LONP1: variants seen among roughly 807,000 people sequenced by gnomAD.
LONP1 encodes lon peptidase 1, mitochondrial.
LONP1 carries 31 observed loss-of-function variants against 98.5 expected under a neutral mutation model. The ratio of observed to expected loss-of-function variants is 0.31; its 90% CI spans 0.24 to 0.42. LONP1 has a LOEUF of 0.42. LONP1 is among the 20% of genes least tolerant of loss of function. The pLI is 1.00. For missense variants in LONP1, 1,336 were observed against 1,350.6 expected (o/e 0.99, Z 0.17); for synonymous variants, 781 against 594.7 (o/e 1.31, Z -4.56).
chr19:5,705,332 C>CCTAT (rs2055126857), intron 8 of LONP1, among the ~76,000 whole-genome samples: 1 of 152,096 alleles, frequency 6.6e-6, no homozygotes, highest in Non-Finnish European at 1.5e-5. Context: ...GTGGTGCATG[C>CCTAT]CTATAGTCCC....
At chr19:5,704,635 G>A (rs1293863242) in intron 8 of LONP1, among the ~76,000 whole-genome samples, 2 of 152,242 alleles carry the variant, frequency 1.3e-5, no homozygotes, top group East Asian at 3.8e-4. Flanking sequence ...AAGTGGCCAG[G>A]TGGGTTCTGT....
At chr19:5,700,272 CCTAA>C (rs1292651976) in intron 9 of LONP1, among the ~76,000 whole-genome samples, 9 of 152,276 alleles carry the variant, frequency 5.9e-5, no homozygotes, top group East Asian at 3.9e-4. Context: ...CGCCACCACG[CCTAA>C]CTAATTTTGT....
intron 8 of LONP1, among the ~76,000 whole-genome samples, chr19:5,701,927 C>T (rs2055053056): frequency 6.6e-6 from 1 of 151,530 alleles, no homozygotes; most frequent in Non-Finnish European, 1.5e-5. Context: ...ATGAGGAGCG[C>T]CTCTGCCCGG....
Position 5,694,556 on chromosome 19 carries a change from G to A in LONP1, c.2155-4C>T. Reference sequence around the variant, plus strand: ...TGTAGGCCGATTTCCGTAACACCTGGGCGGTCAGGGCAACACAATGGGCAC... The same window carrying A: ...TGTAGGCCGATTTCCGTAACACCTGAGCGGTCAGGGCAACACAATGGGCAC... On this transcript the variant is annotated splice_region_variant and splice_polypyrimidine_tract_variant and intron_variant, in intron 14 of 17. Transcript: ENST00000360614. 6.2e-7 allele frequency: 1 copy of A among 1,612,502 alleles called. No individual in the cohort carries two copies. The highest frequency in any genetic ancestry group is 8.5e-7 in the Non-Finnish European group (1 of 1,179,760).
intron 1 of LONP1, chr19:5,715,116 C>G (rs542189164): frequency 2.7e-5 from 4 of 147,938 alleles, no homozygotes; most frequent in Admixed American, 2.0e-4. Context: ...GTGAGCAGAA[C>G]TGACCAGCTG....
At chr19:5,708,230 G>T in intron 5 of LONP1, 112 bp downstream of exon 5, 1 of 1,114,974 alleles carries the variant, frequency 9.0e-7, no homozygotes, top group Non-Finnish European at 1.3e-6. Flanking sequence ...CACTCCTTGG[G>T]GCAGGCAAGG....
At chr19:5,705,629 G>C (rs1271864163) in intron 8 of LONP1, 143 bp downstream of exon 8, 3 of 649,966 alleles carry the variant, frequency 4.6e-6, no homozygotes, top group Non-Finnish European at 8.1e-6. Context: ...GAACAGGGCT[G>C]ATACTCGCTG....
Position 5,702,554 on chromosome 19 carries a change from A to G in LONP1, c.1368-1627T>C, listed in dbSNP as rs567178382. Among the ~76,000 whole-genome samples the G allele has an allele frequency of 3.3e-5, 5 of 151,028 alleles. No individual in the cohort carries two copies. In the South Asian group the frequency reaches 6.3e-4, roughly 19 times the overall value. ...CCCAACAGCTCATTGAGAACGGGCCATGATGACAATGGCAGTTTTGTGGAA... is the reference window on the plus strand; with the variant it reads ...CCCAACAGCTCATTGAGAACGGGCCGTGATGACAATGGCAGTTTTGTGGAA... On this transcript the variant is annotated intron_variant, in intron 8 of 17. Transcript: ENST00000360614.
intron 4 of LONP1, 179 bp from the exon 5 acceptor site, chr19:5,708,582 C>A: frequency 3.3e-6 from 2 of 603,310 alleles, no homozygotes; most frequent in Non-Finnish European, 6.0e-6. Context: ...GGTGGACTCA[C>A]CAGTCCCAGG....
At chr19:5,695,970 CTCCCAGAGGCA>C in intron 13 of LONP1, 73 bp downstream of exon 13, 1 of 1,245,884 alleles carries the variant, frequency 8.0e-7, no homozygotes, top group Non-Finnish European at 1.1e-6. Context: ...GGCCCAGGAG[CTCCCAGAGGCA>C]CGGCCTCTGC....
At chr19:5,703,479 C>T (rs1181012451) in intron 8 of LONP1, among the ~76,000 whole-genome samples, 5 of 152,196 alleles carry the variant, frequency 3.3e-5, no homozygotes, top group East Asian at 1.9e-4. Flanking sequence ...CAGTGAGCAG[C>T]GGCCACTATG....
At chr19:5,701,489 C>G (rs1755213048) in intron 8 of LONP1, among the ~76,000 whole-genome samples, 1 of 152,168 alleles carries the variant, frequency 6.6e-6, no homozygotes, top group Non-Finnish European at 1.5e-5. Context: ...CGCCGCCACG[C>G]CTGACTGGTT....
chr19:5,712,789 C>T (rs2055258070), intron 3 of LONP1, among the ~76,000 whole-genome samples: 1 of 151,972 alleles, frequency 6.6e-6, no homozygotes, highest in Non-Finnish European at 1.5e-5. Flanking sequence ...GCCACCACAT[C>T]CAGCTAATTT....
rs200036075 is a variant in LONP1, at chr19:5,693,606, G to A, written c.2484C>T (p.His828=). The stretch of plus-strand genomic sequence containing the variant: ...TCACCAGGTAGTCATTGGCGGGGGC[G>A]TGCTGCATGAGGAAGGCTCTGGCGA... The part of the protein sequence containing the change: ...YTFARAFLMQ[H]APANDYLVTS... Residue 828 remains histidine (H), a synonymous_variant, in exon 16 of 18, where the codon CAC becomes CAT. Transcript: ENST00000360614. 811 of 1,614,074 alleles carry A rather than the reference G, an allele frequency of 5.0e-4. No individual in the cohort carries two copies. The highest frequency in any genetic ancestry group is 5.3e-4 in the Non-Finnish European group (631 of 1,179,982).
At chr19:5,708,459 G>T in intron 4 of LONP1, 56 bp from the exon 5 acceptor site, 5 of 1,257,012 alleles carry the variant, frequency 4.0e-6, no homozygotes, top group Non-Finnish European at 4.5e-6. Context: ...CAGGGGGTGG[G>T]CTGGGTGGGA....
At chr19:5,712,601 A>G (rs979791798) in intron 3 of LONP1, 1 of 186,116 alleles carries the variant, frequency 5.4e-6, no homozygotes, top group African/African-American at 2.3e-5. Context: ...GGCTCAAGCA[A>G]TCCTCCTGCC....
chr19:5,718,823 C>A (rs2055369476), intron 1 of LONP1, among the ~76,000 whole-genome samples: 1 of 152,050 alleles, frequency 6.6e-6, no homozygotes, highest in African/African-American at 2.4e-5. Flanking sequence ...CTCCCCACCC[C>A]CAAGGCTCTT....
chr19:5,720,094 C>T lies in LONP1; in HGVS notation c.39G>A (p.Ala13=). The change falls in exon 1 of 18, where the codon GCG becomes GCA. Residue 13 remains alanine (A), a synonymous_variant. Transcript: ENST00000360614. ...ASTGYVRLWG[A]ARCWVLRRPM... ...GCCGCCGCAGCACCCAGCACCGCGCCGCTCCCCACAGTCGCACGTAGCCAG... is the reference window on the plus strand; with the variant it reads ...GCCGCCGCAGCACCCAGCACCGCGCTGCTCCCCACAGTCGCACGTAGCCAG... The T allele has an allele frequency of 2.0e-6, 3 of 1,481,652 alleles. No individual in the cohort carries two copies. Among genetic ancestry groups the T allele is most frequent in the Non-Finnish European group, 2.7e-6 (3 of 1,126,998 alleles). The allele number at this position is 1,481,652 out of a possible 1,614,324, so 91.8% of individuals were successfully genotyped here. A position where few individuals can be genotyped will look rare whatever the true frequency, so the allele number is the denominator to read the frequency against.
At chr19:5,694,727 C>A in intron 14 of LONP1, 34 bp downstream of exon 14, 1 of 1,575,056 alleles carries the variant, frequency 6.3e-7, no homozygotes, top group Non-Finnish European at 8.7e-7. Flanking sequence ...GTGAGGTGGG[C>A]GGCAGGTGCC....
Sources: gnomAD v4.1 joint callset for allele counts (sites outside exome capture counted in the v4.1 genomes callset) on GRCh38, gnomAD v4.1.1 for gene constraint, MANE v1.5 for transcripts, NCBI Gene and HGNC (gene_info 2026-07-23, HGNC 2026-07-21) for gene names.